Variants in ATP8B1 observed in about 807,000 individuals in gnomAD.
ATP8B1 encodes phospholipid-transporting ATPase IC.
A neutral mutation model predicts 149.9 loss-of-function variants in ATP8B1; 80 were observed. The observed-to-expected ratio is 0.53, with a 90% CI of 0.45 to 0.64. The LOEUF (loss-of-function observed/expected upper bound fraction) is 0.64. Among genes scored for constraint, ATP8B1 ranks in the 30% least tolerant of loss-of-function variants. The pLI is 0.00. For synonymous variants in ATP8B1, 536 were observed against 562.8 expected (o/e 0.95, Z 0.67); for missense variants, 1,247 against 1,552.6 (o/e 0.80, Z 3.31).
At position 57,685,142 on chromosome 18, in the gene ATP8B1, T is replaced by C. The variant is rs1785741958; in HGVS notation, c.1430-27A>G. ...TGAGAAACAAACAGGACAAAACAAATTGATTCTACACCTATGTCCAGAGGC... is the reference window on the plus strand; with the variant it reads ...TGAGAAACAAACAGGACAAAACAAACTGATTCTACACCTATGTCCAGAGGC... On this transcript the variant is annotated intron_variant, in intron 13 of 27. Coordinates refer to ENST00000648908, the MANE Select transcript of ATP8B1 (RefSeq NM_001374385.1). 7.4e-6 allele frequency: 12 copies of C among 1,613,330 alleles called. No homozygotes were observed. The East Asian group carries it at 1.3e-4, about 18-fold the overall frequency.
At chr18:57,710,217 A>G (rs913647203) in intron 2 of ATP8B1, among the ~76,000 whole-genome samples, 2 of 152,134 alleles carry the variant, frequency 1.3e-5, no homozygotes, top group Admixed American at 6.5e-5. Context: ...CCTTCACCAT[A>G]TGGCCCTTTA....
rs148126597 is a variant in ATP8B1, at chr18:57,673,808, C to T, written c.1819+1026G>A. Among the ~76,000 whole-genome samples the T allele has an allele frequency of 7.3e-3, 1,108 of 152,102 alleles. 14 individuals carry two copies. The South Asian group carries it at 0.077, about 11-fold the overall frequency. On this transcript the variant is annotated intron_variant, in intron 16 of 27. Coordinates refer to ENST00000648908, the MANE Select transcript of ATP8B1 (RefSeq NM_001374385.1). ...ATAAGTTTGAGATTATTTCAAATTACGAATTTAAAGCAGTTCAGTGGTAGG... is the reference window on the plus strand; with the variant it reads ...ATAAGTTTGAGATTATTTCAAATTATGAATTTAAAGCAGTTCAGTGGTAGG...
Position 57,719,976 on chromosome 18 carries a change from G to C in ATP8B1, c.181+11651C>G, listed in dbSNP as rs1415363055. On this transcript the variant is annotated intron_variant, in intron 2 of 27. Transcript: ENST00000648908. ...CAGCCTAACTGGGAGGCACCCCCCA[G>C]CAGGGGCACACTGACACCTCACACG... Among the ~76,000 whole-genome samples, 10 of 152,184 alleles carry C rather than the reference G, an allele frequency of 6.6e-5. No homozygotes were observed. In the South Asian group the frequency reaches 8.3e-4, roughly 13 times the overall value.
chr18:57,661,713 ATTTTTTT>A lies in ATP8B1; in HGVS notation c.2419-258_2419-252del, dbSNP rs759201755. On this transcript the variant is annotated intron_variant, in intron 21 of 27. Transcript: ENST00000648908. ...CACACACACATATATATATATATAT[ATTTTTTT>A]TTTTTTTTTTTTTGAGATGGAGTCT... 5.3e-3 allele frequency among the ~76,000 whole-genome samples: 488 copies of A among 92,658 alleles called. 7 individuals are homozygous for A. Among genetic ancestry groups the A allele is most frequent in the East Asian group, 0.024 (67 of 2,798 alleles). 60.8% of individuals were successfully genotyped at this position (92,658 alleles called of 152,430 possible).
intron 1 of ATP8B1, among the ~76,000 whole-genome samples, chr18:57,767,404 TAAATTAGCTA>T (rs1294818655): frequency 1.3e-5 from 2 of 152,190 alleles, no homozygotes; most frequent in Admixed American, 1.3e-4. Flanking sequence ...GTGTGGCTAT[TAAATTAGCTA>T]AAATTAGAAG....
chr18:57,648,882 G>GTGTGTGTGTGTATGTGTA (rs61181992), intron 27 of ATP8B1, among the ~76,000 whole-genome samples, 170 bp from the exon 28 acceptor site: 6 of 134,660 alleles, frequency 4.5e-5, no homozygotes, highest in African/African-American at 1.2e-4. Flanking sequence ...GTGTGTGTGT[G>GTGTGTGTGTGTATGTGTA]TGTGTATGTG....
chr18:57,664,781 A>G (rs992210471), intron 20 of ATP8B1, among the ~76,000 whole-genome samples: 11 of 152,198 alleles, frequency 7.2e-5, no homozygotes, highest in Admixed American at 2.6e-4. Flanking sequence ...AAATAAGGAA[A>G]TCAAGCCAGA....
chr18:57,787,586 A>G (rs1443909518), intron 1 of ATP8B1, among the ~76,000 whole-genome samples: 1 of 152,188 alleles, frequency 6.6e-6, no homozygotes, highest in Non-Finnish European at 1.5e-5. Flanking sequence ...TGGCTCCGCT[A>G]TACCATTTCC....
intron 1 of ATP8B1, among the ~76,000 whole-genome samples, chr18:57,761,074 AAT>A: frequency 8.0e-6 from 1 of 124,238 alleles, no homozygotes; most frequent in South Asian, 2.3e-4. Flanking sequence ...CATAAAATAA[AAT>A]AAATAAAATA....
At chr18:57,738,122 TG>T (rs1040810822) in intron 1 of ATP8B1, 2 of 152,172 alleles carry the variant, frequency 1.3e-5, no homozygotes, top group African/African-American at 4.8e-5. Flanking sequence ...ATCTAAATAA[TG>T]ATCCCTAAGG....
rs867781170 is a variant in ATP8B1 at position 57,649,023 on chromosome 18, G to T, written c.3532-311C>A. On this transcript the variant is annotated intron_variant, in intron 27 of 27. Transcript: ENST00000648908. ...AGCGATCCTCCTGCCTCAGCCTCCT[G>T]AGTAACTGGGGTTACAGGCACGCAC... 5.9e-5 allele frequency among the ~76,000 whole-genome samples: 9 copies of T among 152,090 alleles called. No homozygotes were observed. The South Asian group carries it at 1.0e-3, about 18-fold the overall frequency.
At chr18:57,729,225 G>GACTAC (rs1381747095) in intron 2 of ATP8B1, among the ~76,000 whole-genome samples, 2 of 152,086 alleles carry the variant, frequency 1.3e-5, no homozygotes, top group African/African-American at 4.8e-5. Flanking sequence ...CTGTGTCTCG[G>GACTAC]ACTACACGTC....
At chr18:57,796,114 G>C (rs1341765484) in intron 1 of ATP8B1, among the ~76,000 whole-genome samples, 1 of 152,146 alleles carries the variant, frequency 6.6e-6, no homozygotes, top group African/African-American at 2.4e-5. Flanking sequence ...GTTGCAGAGA[G>C]CTGAGATCGC....
chr18:57,770,710 T>C (rs974802033), intron 1 of ATP8B1, among the ~76,000 whole-genome samples: 29 of 152,240 alleles, frequency 1.9e-4, no homozygotes, highest in Admixed American at 1.9e-3. Context: ...GGGACAGGTA[T>C]ACTGGGGCTT....
chr18:57,669,001 C>A, intron 18 of ATP8B1: 1 of 219,880 alleles, frequency 4.5e-6, no homozygotes, highest in Middle Eastern at 1.7e-3. Flanking sequence ...TCGGTAATTC[C>A]CCCAATGTAA....
intron 1 of ATP8B1, among the ~76,000 whole-genome samples, chr18:57,786,846 A>G (rs1825878014): frequency 1.3e-5 from 2 of 152,234 alleles, no homozygotes; most frequent in South Asian, 4.1e-4. Context: ...AAACACAAAA[A>G]AATGTTAAAG....
intron 1 of ATP8B1, chr18:57,735,236 A>C (rs2079836041): frequency 5.9e-6 from 1 of 170,374 alleles, no homozygotes; most frequent in Admixed American, 6.4e-5. Flanking sequence ...CCCGCCGCTG[A>C]CTTCCATCCC....
At chr18:57,713,960 G>A (rs1483894879) in intron 2 of ATP8B1, among the ~76,000 whole-genome samples, 1 of 152,052 alleles carries the variant, frequency 6.6e-6, no homozygotes, top group Admixed American at 6.6e-5. Flanking sequence ...GGCCACAGTG[G>A]GGTAAAGCAA....
chr18:57,677,142 A>G (rs1911646420), intron 15 of ATP8B1, among the ~76,000 whole-genome samples: 1 of 152,256 alleles, frequency 6.6e-6, no homozygotes, highest in South Asian at 2.1e-4. Context: ...TGTTATTCGT[A>G]GTCAGGAAAG....
Sources: allele counts gnomAD v4.1 joint callset (sites outside exome capture counted in the v4.1 genomes callset), GRCh38; gene constraint gnomAD v4.1.1; transcripts MANE v1.5; gene names NCBI Gene and HGNC (gene_info 2026-07-23, HGNC 2026-07-21).